The following NUP43 variants were observed in gnomAD, a reference collection of about 807,000 sequenced individuals.
The protein encoded by NUP43 is nucleoporin 43, also known as nucleoporin Nup43.
A neutral mutation model predicts 47.3 loss-of-function variants in NUP43; 32 were observed. The ratio of observed to expected loss-of-function variants is 0.68; its 90% CI spans 0.51 to 0.91. The LOEUF (loss-of-function observed/expected upper bound fraction) is 0.91. NUP43 is among the 40% of genes least tolerant of loss of function. NUP43 has a pLI of 0.00. For missense variants in NUP43, 444 were observed against 453.9 expected (o/e 0.98, Z 0.20); for synonymous variants, 147 against 158.4 (o/e 0.93, Z 0.54).
upstream of NUP43, among the ~76,000 whole-genome samples, chr6:149,747,073 C>G (rs1176922328): frequency 6.6e-6 from 1 of 152,182 alleles, no homozygotes; most frequent in East Asian, 1.9e-4. Context: ...TTGATCAATT[C>G]AATTACGTGC....
chr6:149,736,718 G>A (rs1409487757), intron 5 of NUP43, 96 bp from the exon 6 acceptor site: 3 of 1,079,132 alleles, frequency 2.8e-6, no homozygotes, highest in Non-Finnish European at 4.0e-6. Context: ...TTTGAGACAA[G>A]GCCTCACTTA....
chr6:149,741,062 C>CA lies in NUP43; in HGVS notation c.502+1327dup, dbSNP rs562659886. Among the ~76,000 whole-genome samples the CA allele has an allele frequency of 1.8e-3, 253 of 142,308 alleles. 1 individual carries two copies. The highest frequency in any genetic ancestry group is 4.5e-3 in the African/African-American group (175 of 38,966). 93.4% of individuals were successfully genotyped at this position (142,308 alleles called of 152,430 possible). ...GTTTTATCTGATAATGCCCTCTCACCAAAAAAAAAAAGGTTTCTGTTTCCT... is the reference window on the plus strand; with the variant it reads ...GTTTTATCTGATAATGCCCTCTCACCAAAAAAAAAAAAGGTTTCTGTTTCCT... On this transcript the variant is annotated intron_variant, in intron 4 of 7. Coordinates refer to ENST00000340413, the MANE Select transcript of NUP43 (RefSeq NM_198887.3).
At chr6:149,742,614 G>A in intron 3 of NUP43, 44 bp from the exon 4 acceptor site, 1 of 1,410,468 alleles carries the variant, frequency 7.1e-7, no homozygotes. Context: ...AAGTACTAAG[G>A]AATTAGCACT....
chr6:149,745,401 G>GAAAAAAAAAAAAAAAA (rs748770682), intron 2 of NUP43, among the ~76,000 whole-genome samples: 1 of 118,304 alleles, frequency 8.5e-6, no homozygotes. Flanking sequence ...CTCCATCTTG[G>GAAAAAAAAAAAAAAAA]AAAAAAAAAA....
In NUP43 at chr6:149,738,629, A is replaced by G; in HGVS notation, c.638+14T>C. The G allele has an allele frequency of 6.5e-7, 1 of 1,537,564 alleles. No homozygotes were observed. Among genetic ancestry groups the G allele is most frequent in the Non-Finnish European group, 8.8e-7 (1 of 1,142,826 alleles). ...TTGTGGATTACATTACTGAAATTAC[A>G]AATCAACACTTACAGTGACAATATC... On this transcript the variant is annotated intron_variant, in intron 5 of 7. Coordinates refer to ENST00000340413, the MANE Select transcript of NUP43 (RefSeq NM_198887.3).
chr6:149,737,245 C>T (rs1785414440), intron 5 of NUP43, among the ~76,000 whole-genome samples: 1 of 151,550 alleles, frequency 6.6e-6, no homozygotes, highest in Admixed American at 6.6e-5. Flanking sequence ...GATCATGCCA[C>T]TGCACTCCAG....
At chr6:149,747,553 G>C (rs892214630), upstream of NUP43, among the ~76,000 whole-genome samples, 6 of 151,486 alleles carry the variant, frequency 4.0e-5, no homozygotes, top group African/African-American at 1.2e-4. Context: ...CTCCCAAAGT[G>C]CTGGGATTAC....
intron 1 of NUP43, 44 bp from the exon 2 acceptor site, chr6:149,746,106 C>T (rs1017711996): frequency 3.8e-6 from 6 of 1,596,636 alleles, no homozygotes; most frequent in African/African-American, 1.4e-5. Flanking sequence ...TAAACGTCAA[C>T]TCTCGGAAAA....
intron 7 of NUP43, chr6:149,728,427 T>C (rs1229396524): frequency 3.0e-6 from 3 of 984,644 alleles, no homozygotes; most frequent in Non-Finnish European, 3.6e-6. Flanking sequence ...GATGAAGTTA[T>C]AGCATGGACA....
intron 6 of NUP43, among the ~76,000 whole-genome samples, chr6:149,735,619 A>AC (rs1554246077): frequency 2.2e-4 from 33 of 150,396 alleles, no homozygotes; most frequent in South Asian, 6.4e-4. Context: ...AAAAAAAAAA[A>AC]ACACACACAG....
rs1344184899 is a variant in NUP43, at chr6:149,735,795, C to CA, written c.790+675dup. On this transcript the variant is annotated intron_variant, in intron 6 of 7. Transcript: ENST00000340413. ...GCAATAAAGTGAAACCCCATATCTACAAAAAAAAAAACAAACAACAACAAA... is the reference window on the plus strand; with the variant it reads ...GCAATAAAGTGAAACCCCATATCTACAAAAAAAAAAAACAAACAACAACAAA... 7.2e-3 allele frequency among the ~76,000 whole-genome samples: 956 copies of CA among 133,404 alleles called. 11 individuals are homozygous for CA. Among genetic ancestry groups the CA allele is most frequent in the African/African-American group, 0.021 (752 of 36,332 alleles). The allele number at this position is 133,404 out of a possible 152,430, so 87.5% of individuals were successfully genotyped here. A position where few individuals can be genotyped will look rare whatever the true frequency, so the allele number is the denominator to read the frequency against.
chr6:149,734,410 G>A (rs1248515735), intron 6 of NUP43, among the ~76,000 whole-genome samples: 4 of 151,878 alleles, frequency 2.6e-5, no homozygotes, highest in African/African-American at 9.7e-5. Flanking sequence ...TGAGGTGGGA[G>A]GACTGATTGA....
upstream of NUP43, among the ~76,000 whole-genome samples, chr6:149,747,676 T>A (rs1786083260): frequency 6.6e-6 from 1 of 152,232 alleles, no homozygotes; most frequent in Non-Finnish European, 1.5e-5. Flanking sequence ...TAAATCCTAC[T>A]GAATACAAGA....
At chr6:149,746,305 G>T in intron 1 of NUP43, 71 bp downstream of exon 1, 1 of 1,577,400 alleles carries the variant, frequency 6.3e-7, no homozygotes, top group South Asian at 1.1e-5. Context: ...GAGTTGGCGC[G>T]CGGAAGGCCA....
upstream of NUP43, among the ~76,000 whole-genome samples, chr6:149,747,651 T>G (rs1435374223): frequency 6.6e-6 from 1 of 152,078 alleles, no homozygotes; most frequent in Non-Finnish European, 1.5e-5. Context: ...TGCATATTCC[T>G]CCCCCATTAG....
At chr6:149,745,362 T>A (rs994419267) in intron 2 of NUP43, among the ~76,000 whole-genome samples, 7 of 150,698 alleles carry the variant, frequency 4.6e-5, no homozygotes, top group African/African-American at 1.7e-4. Flanking sequence ...ATCATGCCAC[T>A]GTACTCCAGC....
At chr6:149,744,751 G>A (rs1785873470) in intron 2 of NUP43, among the ~76,000 whole-genome samples, 1 of 150,396 alleles carries the variant, frequency 6.6e-6, no homozygotes, top group South Asian at 2.1e-4. Context: ...CAGGAGAATT[G>A]CTTGAACCCA....
intron 2 of NUP43, 90 bp downstream of exon 2, chr6:149,745,850 T>G: frequency 8.8e-7 from 1 of 1,139,042 alleles, no homozygotes; most frequent in Non-Finnish European, 1.2e-6. Flanking sequence ...AAACGAGGGG[T>G]GACACCAGAC....
At chr6:149,745,732 TAAA>T (rs1441086954) in intron 2 of NUP43, among the ~76,000 whole-genome samples, 1 of 152,184 alleles carries the variant, frequency 6.6e-6, no homozygotes, top group Non-Finnish European at 1.5e-5. Context: ...AGTCAATTAA[TAAA>T]AAAGTATGAT....
Sources: allele counts gnomAD v4.1 joint callset (sites outside exome capture counted in the v4.1 genomes callset), GRCh38; gene constraint gnomAD v4.1.1; transcripts MANE v1.5; gene names NCBI Gene and HGNC (gene_info 2026-07-23, HGNC 2026-07-21).